Variants in SLC6A2 observed in about 807,000 individuals in gnomAD.
The protein encoded by SLC6A2 is solute carrier family 6 member 2, also known as sodium-dependent noradrenaline transporter.
Under a neutral mutation model 71.7 loss-of-function variants are expected in SLC6A2, and 26 were observed. The ratio of observed to expected loss-of-function variants is 0.36; its 90% CI spans 0.27 to 0.50. The LOEUF is 0.50. Among genes scored for constraint, SLC6A2 ranks in the 20% least tolerant of loss-of-function variants. SLC6A2 has a pLI of 0.96. For synonymous variants in SLC6A2, 363 were observed against 337.9 expected (o/e 1.07, Z -0.82); for missense variants, 581 against 803.9 (o/e 0.72, Z 3.35).
chr16:55,668,095 C>T (rs1367157691), intron 2 of SLC6A2, among the ~76,000 whole-genome samples: 1 of 152,148 alleles, frequency 6.6e-6, no homozygotes, highest in South Asian at 2.1e-4. Context: ...TTCTGCCCTG[C>T]CCCCCACCAC....
At chr16:55,697,388 GAGAC>G (rs1225230741) in intron 9 of SLC6A2, among the ~76,000 whole-genome samples, 1 of 152,180 alleles carries the variant, frequency 6.6e-6, no homozygotes. Context: ...AGTGGGATAT[GAGAC>G]CCTTTCAGAC....
At chr16:55,684,317 A>AG (rs397718169) in intron 4 of SLC6A2, among the ~76,000 whole-genome samples, 1 of 136,076 alleles carries the variant, frequency 7.3e-6, no homozygotes, top group Non-Finnish European at 1.6e-5. Context: ...AAAAAAAAAA[A>AG]CAACAACAAC....
At chr16:55,661,379 G>C (rs538770301) in intron 2 of SLC6A2, among the ~76,000 whole-genome samples, 1 of 152,182 alleles carries the variant, frequency 6.6e-6, no homozygotes, top group Non-Finnish European at 1.5e-5. Context: ...GCTGATCTGA[G>C]CTTCAGTTTC....
chr16:55,656,327 G>A lies in SLC6A2; in HGVS notation c.-52+158G>A, dbSNP rs1964446352. Reference sequence around the variant, plus strand: ...GTGTCGCGGACCTGAGCTGGGGAGGGGGTCGGCACGCTGCCCTCAGCCTCG... The same window carrying A: ...GTGTCGCGGACCTGAGCTGGGGAGGAGGTCGGCACGCTGCCCTCAGCCTCG... On this transcript the variant is annotated intron_variant, in intron 1 of 14. Coordinates refer to ENST00000568943, the MANE Select transcript of SLC6A2 (RefSeq NM_001172501.3). The surrounding 1 kb of genome is among the most constrained non-coding windows in gnomAD (Gnocchi z 4.5). 2.7e-6 allele frequency: 1 copy of A among 376,278 alleles called. No individual in the cohort carries two copies. The highest frequency in any genetic ancestry group is 2.1e-5 in the African/African-American group (1 of 47,982). 23.3% of individuals were successfully genotyped at this position (376,278 alleles called of 1,614,324 possible).
intron 4 of SLC6A2, among the ~76,000 whole-genome samples, chr16:55,681,749 A>AT (rs1420259946): frequency 6.6e-5 from 10 of 152,356 alleles, no homozygotes; most frequent in African/African-American, 2.4e-4. Context: ...TGATTCCAGC[A>AT]AGGGCTGTCA....
At chr16:55,698,373 A>G (rs1008945016) in intron 10 of SLC6A2, 96 bp from the exon 11 acceptor site, 2 of 891,546 alleles carry the variant, frequency 2.2e-6, no homozygotes, top group African/African-American at 3.3e-5. Flanking sequence ...GCTCCGAGCA[A>G]GTGGGACAGG....
chr16:55,687,134 C>T (rs1965476300), intron 5 of SLC6A2, among the ~76,000 whole-genome samples: 1 of 340 alleles, frequency 2.9e-3, no homozygotes, highest in African/African-American at 4.5e-3. Flanking sequence ...TGTGTGTCCC[C>T]ATTTAATAAA....
chr16:55,685,152 C>T lies in SLC6A2; in HGVS notation c.654C>T (p.Val218=), dbSNP rs146052293. The T allele has an allele frequency of 8.1e-6, 13 of 1,614,050 alleles. No homozygotes were observed. The highest frequency in any genetic ancestry group is 2.2e-5 in the East Asian group (1 of 44,882). Residue 218 remains valine, a synonymous_variant, in exon 5 of 15, where the codon GTC becomes GTT. Transcript: ENST00000568943. Reference sequence around the variant, plus strand: ...CCTCTCCTCTGGGCAGGCGTGGTGTCCTGCACCTTCACGAGAGCAGCGGGA... The same window carrying T: ...CCTCTCCTCTGGGCAGGCGTGGTGTTCTGCACCTTCACGAGAGCAGCGGGA... ...TPAAEFYERG[V]LHLHESSGIH...
chr16:55,688,276 C>T (rs1045665349), intron 5 of SLC6A2, among the ~76,000 whole-genome samples: 29 of 152,212 alleles, frequency 1.9e-4, no homozygotes, highest in African/African-American at 6.8e-4. Context: ...AATGTTCATA[C>T]CTCCGGTCTT....
chr16:55,672,066 AC>A lies in SLC6A2; in HGVS notation c.537del (p.Trp180GlyfsTer62), dbSNP rs750544053. The part of the protein sequence containing the change: ...LNLPWTDCGH[T>X]WNSPNCTDPK... ...CCTGCCCTGGACCGACTGTGGCCAC[AC>A]CTGGAACAGCCCCAACTGTACCGAC... is the stretch of plus-strand genomic sequence containing the variant. On this transcript the variant is annotated frameshift_variant, in exon 4 of 15. Transcript: ENST00000568943. LOFTEE classifies it high-confidence loss of function. The A allele has an allele frequency of 6.2e-7, 1 of 1,614,074 alleles. No homozygotes were observed. The highest frequency in any genetic ancestry group is 1.1e-5 in the South Asian group (1 of 91,070).
chr16:55,700,065 C>G, intron 12 of SLC6A2, 74 bp from the exon 13 acceptor site: 50 of 1,286,488 alleles, frequency 3.9e-5, no homozygotes, highest in Non-Finnish European at 5.2e-5. Flanking sequence ...CTTTCTTCCA[C>G]CTCCTTCTCT....
chr16:55,680,806 G>A (rs899380155), intron 4 of SLC6A2, among the ~76,000 whole-genome samples: 4 of 152,258 alleles, frequency 2.6e-5, no homozygotes, highest in Admixed American at 6.5e-5. Flanking sequence ...CAGGATTAGC[G>A]GGGACCAGAC....
At position 55,656,718 on chromosome 16, in the gene SLC6A2, G is replaced by A. The variant is rs778163877; in HGVS notation, c.24G>A (p.Pro8=). 3.7e-6 allele frequency: 6 copies of A among 1,612,578 alleles called. No homozygotes were observed. The African/African-American group carries it at 8.0e-5, about 22-fold the overall frequency. The change falls in exon 2 of 15, where the codon CCG becomes CCA. Residue 8 remains proline (P), a synonymous_variant. Coordinates refer to ENST00000568943, the MANE Select transcript of SLC6A2 (RefSeq NM_001172501.3). The surrounding 1 kb of genome is among the most constrained non-coding windows in gnomAD (Gnocchi z 4.5). ...CCATGCTTCTGGCGCGGATGAACCCGCAGGTGCAGCCCGAGAACAACGGGG... is the reference window on the plus strand; with the variant it reads ...CCATGCTTCTGGCGCGGATGAACCCACAGGTGCAGCCCGAGAACAACGGGG... MLLARMN[P]QVQPENNGAD...
intron 13 of SLC6A2, 44 bp from the exon 14 acceptor site, chr16:55,701,819 T>G (rs1212269450): frequency 6.7e-7 from 1 of 1,492,730 alleles, no homozygotes; most frequent in Non-Finnish European, 9.4e-7. Context: ...CAGAAGGGTG[T>G]CCCTGGGCCA....
chr16:55,693,859 G>A (rs2142594921), intron 6 of SLC6A2, 151 bp from the exon 7 acceptor site: 1 of 725,774 alleles, frequency 1.4e-6, no homozygotes, highest in South Asian at 1.5e-5. Context: ...AGGATGCAGG[G>A]GAGGGAGTTG....
Position 55,659,385 on chromosome 16 carries a change from T to C in SLC6A2, c.274+2417T>C, listed in dbSNP as rs184945223. Among the ~76,000 whole-genome samples the C allele has an allele frequency of 1.6e-3, 251 of 152,300 alleles. 1 individual carries two copies. Among genetic ancestry groups the C allele is most frequent in the Non-Finnish European group, 1.8e-3 (124 of 68,020 alleles). The stretch of plus-strand genomic sequence containing the variant: ...TAAAGAGCACCTGTTGTATGCAGTG[T>C]ACTATAAACCAGGTTCTTAGGATGC... On this transcript the variant is annotated intron_variant, in intron 2 of 14. Transcript: ENST00000568943.
chr16:55,703,117 G>A lies in SLC6A2; in HGVS notation c.*771G>A. 1 of 985,634 alleles carries A rather than the reference G, an allele frequency of 1.0e-6. No individual in the cohort carries two copies. 61.1% of individuals were successfully genotyped at this position (985,634 alleles called of 1,614,324 possible). On this transcript the variant is annotated 3_prime_UTR_variant, in exon 15 of 15. Coordinates refer to ENST00000568943, the MANE Select transcript of SLC6A2 (RefSeq NM_001172501.3). ...AGGAGGTACCTGCATCAGACAAGCT[G>A]GTGGAGGCCACGTGGCAAGCCACAT... is the stretch of plus-strand genomic sequence containing the variant.
rs1567463201 is a variant in SLC6A2, at chr16:55,704,500, ATGGG to A, written c.*2155_*2158del. On this transcript the variant is annotated 3_prime_UTR_variant, in exon 15 of 15. Transcript: ENST00000568943. ...TAGCAAAAGAACAATGTGTTGGAGGATGGGAAGGGGCGAGAGAATGCCATTTATT... is the reference window on the plus strand; with the variant it reads ...TAGCAAAAGAACAATGTGTTGGAGGAAAGGGGCGAGAGAATGCCATTTATT... 4 of 152,340 alleles carry A rather than the reference ATGGG, an allele frequency of 2.6e-5. No individual in the cohort carries two copies. Among genetic ancestry groups the A allele is most frequent in the Admixed American group, 6.5e-5 (1 of 15,302 alleles). 9.4% of individuals were successfully genotyped at this position (152,340 alleles called of 1,614,324 possible).
chr16:55,671,777 C>A, intron 3 of SLC6A2, 161 bp from the exon 4 acceptor site: 2 of 1,431,414 alleles, frequency 1.4e-6, no homozygotes, highest in East Asian at 5.0e-5. Flanking sequence ...AAATTGTCTT[C>A]CATGCGACAG....
Sources: gnomAD v4.1 joint callset for allele counts (sites outside exome capture counted in the v4.1 genomes callset) on GRCh38, gnomAD v4.1.1 for gene constraint, Gnocchi (gnomAD v3.1) non-coding constraint, MANE v1.5 for transcripts, NCBI Gene and HGNC (gene_info 2026-07-23, HGNC 2026-07-21) for gene names.